COL6A2: variants seen among roughly 807,000 people sequenced by gnomAD.
COL6A2 encodes the protein collagen type VI alpha 2 chain, also known as collagen alpha-2(VI) chain.
A neutral mutation model predicts 124.9 loss-of-function variants in COL6A2; 90 were observed. The ratio of observed to expected loss-of-function variants is 0.72; its 90% confidence interval spans 0.61 to 0.86. The LOEUF (loss-of-function observed/expected upper bound fraction) is 0.86. Ranked by LOEUF, COL6A2 falls within the 40% of genes least tolerant of loss-of-function variation. The probability of loss-of-function intolerance (pLI) is 0.00; values close to 1 mark genes in which losing one functional copy is unlikely to be tolerated. For synonymous variants in COL6A2, 793 were observed against 618.2 expected (o/e 1.28, Z -4.19); for missense variants, 1,607 against 1,502.5 (o/e 1.07, Z -1.15).
chr21:46,119,398 A>G (rs1407453845), intron 14 of COL6A2, among the ~76,000 whole-genome samples: 2 of 152,152 alleles, frequency 1.3e-5, no homozygotes, highest in Non-Finnish European at 1.5e-5. Flanking sequence ...GGCCCGTCCC[A>G]GTGCTGACCA....
chr21:46,122,583 C>T (rs747006906), intron 20 of COL6A2, 52 bp downstream of exon 20: 17 of 1,594,690 alleles, frequency 1.1e-5, no homozygotes, highest in Non-Finnish European at 1.5e-5. Flanking sequence ...GGTCTGCACG[C>T]CCAATTGCTG....
chr21:46,122,261 G>C, intron 19 of COL6A2, 103 bp downstream of exon 19: 2 of 1,380,508 alleles, frequency 1.4e-6, no homozygotes, highest in Non-Finnish European at 2.0e-6. Context: ...CTGTGCAGAA[G>C]AAAGTGTGAG....
chr21:46,111,169 C>T (rs537797738), intron 1 of COL6A2, among the ~76,000 whole-genome samples: 1 of 152,312 alleles, frequency 6.6e-6, no homozygotes, highest in African/African-American at 2.4e-5. Flanking sequence ...CCACCCAGCC[C>T]TGGAGGACAT....
chr21:46,128,050 G>C (rs909388469), intron 27 of COL6A2, among the ~76,000 whole-genome samples: 15 of 152,194 alleles, frequency 9.9e-5, no homozygotes, highest in Non-Finnish European at 1.9e-4. Flanking sequence ...CTTTTCTCGT[G>C]ATCTCTCTGG....
At chr21:46,123,820 A>G (rs1186933194) in intron 21 of COL6A2, among the ~76,000 whole-genome samples, 1 of 131,182 alleles carries the variant, frequency 7.6e-6, no homozygotes, top group African/African-American at 3.0e-5. Context: ...GGGTGGATGA[A>G]TGGATGGGTG....
intron 18 of COL6A2, 36 bp from the exon 19 acceptor site, chr21:46,122,067 CGTCCT>C (rs1568935025): frequency 1.2e-6 from 2 of 1,608,316 alleles, no homozygotes; most frequent in Admixed American, 3.3e-5. Context: ...AGCCCCACCC[CGTCCT>C]ATGACCATGC....
chr21:46,115,783 T>TCA, intron 5 of COL6A2, 89 bp from the exon 6 acceptor site: 1 of 1,178,146 alleles, frequency 8.5e-7, no homozygotes, highest in Non-Finnish European at 1.2e-6. Flanking sequence ...ACCTCTGCTG[T>TCA]GTCACCTCTC....
chr21:46,131,919 C>CCTCCGCCCAGCCCACCTCT, intron 27 of COL6A2, 35 bp from the exon 28 acceptor site: 3 of 1,548,440 alleles, frequency 1.9e-6, no homozygotes, highest in Non-Finnish European at 2.6e-6. Flanking sequence ...TGCCCACCTC[C>CCTCCGCCCAGCCCACCTCT]CCTCCGCCCA....
At chr21:46,099,780 A>T (rs1002771567) in intron 1 of COL6A2, among the ~76,000 whole-genome samples, 2 of 151,560 alleles carry the variant, frequency 1.3e-5, no homozygotes, top group Admixed American at 1.3e-4. Context: ...CCCAGCTCAC[A>T]GGGCGCCTGC....
At chr21:46,121,454 C>T (rs1264427814) in intron 17 of COL6A2, 102 bp from the exon 18 acceptor site, 6 of 1,128,314 alleles carry the variant, frequency 5.3e-6, no homozygotes, top group Non-Finnish European at 6.7e-6. Flanking sequence ...GAGCTGCGGC[C>T]ATGTGGCCTG....
rs982528712 is a variant in COL6A2 at position 46,132,561 on chromosome 21, C to T, written c.*9C>T. 6.3e-7 allele frequency: 1 copy of T among 1,586,432 alleles called. No homozygotes were observed. Among genetic ancestry groups the T allele is most frequent in the Admixed American group, 1.7e-5 (1 of 57,698 alleles). ...TCCGCTGGATCTGCTAGCGCCGCCG[C>T]CCGGGCCCCGCAGTCGAGGGTCGTG... is the stretch of plus-strand genomic sequence containing the variant. On this transcript the variant is annotated 3_prime_UTR_variant, in exon 28 of 28. Transcript: ENST00000300527.
intron 1 of COL6A2, among the ~76,000 whole-genome samples, chr21:46,100,397 AT>A (rs1238018254): frequency 6.6e-6 from 1 of 151,732 alleles, no homozygotes; most frequent in East Asian, 1.9e-4. Flanking sequence ...CGAATTTTTT[AT>A]TGTGGTATAC....
Position 46,112,240 on chromosome 21 carries a change from G to C in COL6A2, c.377G>C (p.Ser126Thr), listed in dbSNP as rs1479202802. Residue 126 changes from serine (S) to threonine (T), a missense_variant, in exon 3 of 28, where the codon AGC becomes ACC. This residue lies in a region of COL6A2 where 342 missense variants were observed against 381.5 expected (regional missense o/e 0.90). Transcript: ENST00000300527. ...TTCATCAAGAACCTGCAGGGCATCA[G>C]CTCCTTCCGCCGCGGCACCTTCACC... is the stretch of plus-strand genomic sequence containing the variant. The part of the protein sequence containing the change: ...ASFIKNLQGI[S>T]SFRRGTFTDC... 6.2e-7 allele frequency: 1 copy of C among 1,612,722 alleles called. No individual in the cohort carries two copies. Among genetic ancestry groups the C allele is most frequent in the Non-Finnish European group, 8.5e-7 (1 of 1,180,030 alleles).
In COL6A2 at chr21:46,131,962, G is replaced by A. The variant is rs758758266; in HGVS notation, c.2470G>A (p.Val824Met). 9.6e-5 allele frequency: 154 copies of A among 1,603,456 alleles called. No homozygotes were observed. The highest frequency in any genetic ancestry group is 5.0e-4 in the Middle Eastern group (3 of 5,952). ...PDLPCQTELS[V>M]AQCTQRPVDI... Reference sequence around the variant, plus strand: ...CCTGCGTCTCCCCACAGAGCTGTCCGTGGCACAGTGCACGCAGCGGCCCGT... The same window carrying A: ...CCTGCGTCTCCCCACAGAGCTGTCCATGGCACAGTGCACGCAGCGGCCCGT... The change falls in exon 28 of 28, where the codon GTG (valine) becomes ATG (methionine). Residue 824 changes from valine to methionine, a missense_variant. Transcript: ENST00000300527.
rs1488025551 is a variant in COL6A2, at chr21:46,116,357, C to T, written c.901-20C>T. On this transcript the variant is annotated intron_variant, in intron 7 of 27. Coordinates refer to ENST00000300527, the MANE Select transcript of COL6A2 (RefSeq NM_001849.4). This position sits in a 1 kb window ranked among gnomAD's most constrained non-coding sequence, Gnocchi z 4.6. ...TCTGCAGAGCTCCTCACTAATGCCC[C>T]TCTCTCCTCCTGCCCCCAGGGCGTT... The T allele has an allele frequency of 1.7e-5, 28 of 1,612,240 alleles. No homozygotes were observed. Among genetic ancestry groups the T allele is most frequent in the Non-Finnish European group, 2.2e-5 (26 of 1,179,826 alleles).
intron 1 of COL6A2, among the ~76,000 whole-genome samples, chr21:46,107,234 G>T (rs2078344161): frequency 6.6e-6 from 1 of 151,928 alleles, no homozygotes; most frequent in Non-Finnish European, 1.5e-5. Flanking sequence ...ATAACTTTTT[G>T]TATGTTGAGG....
chr21:46,111,927 C>T (rs1256903948), intron 2 of COL6A2, 52 bp from the exon 3 acceptor site: 10 of 1,562,770 alleles, frequency 6.4e-6, no homozygotes, highest in Non-Finnish European at 7.9e-6. Flanking sequence ...AAACGGGGCT[C>T]CAACAGCAGT....
chr21:46,113,854 T>C lies in COL6A2; in HGVS notation c.736-154T>C. The C allele has an allele frequency of 4.2e-6, 3 of 709,156 alleles. No homozygotes were observed. The South Asian group carries it at 4.5e-5, about 11-fold the overall frequency. 43.9% of individuals were successfully genotyped at this position (709,156 alleles called of 1,614,324 possible). ...GCAGAGCCTCACAGCACCCCATGTC[T>C]CACAGCTCCCTCACGCCCGCCCAGG... is the stretch of plus-strand genomic sequence containing the variant. On this transcript the variant is annotated intron_variant, in intron 4 of 27. Transcript: ENST00000300527.
Position 46,114,031 on chromosome 21 carries a change from A to G in COL6A2, c.759A>G (p.Glu253=), listed in dbSNP as rs140404854. The change falls in exon 5 of 28, where the codon GAA becomes GAG. Residue 253 remains glutamate (E), a synonymous_variant. Transcript: ENST00000300527. ...AGTGCTACAAGGTGAGCTGCCTGGA[A>G]ATCCCTGGGCCCTCTGGCCCCAAGG... ...YGECYKVSCL[E]IPGPSGPKGY... is the part of the protein sequence containing the mutation. 240 of 1,613,844 alleles carry G rather than the reference A, an allele frequency of 1.5e-4. No individual in the cohort carries two copies. The highest frequency in any genetic ancestry group is 1.9e-4 in the Non-Finnish European group (225 of 1,179,992).
Sources: allele counts gnomAD v4.1 joint callset (sites outside exome capture counted in the v4.1 genomes callset), GRCh38; gene constraint gnomAD v4.1.1; regional missense constraint gnomAD v4.1.1; non-coding constraint Gnocchi (gnomAD v3.1); transcripts MANE v1.5; gene names NCBI Gene and HGNC (gene_info 2026-07-23, HGNC 2026-07-21).